Variants in KCNAB1 observed in about 807,000 individuals in gnomAD.
KCNAB1 encodes potassium voltage-gated channel subfamily A regulatory beta subunit 1, also known as voltage-gated potassium channel subunit beta-1.
In KCNAB1, 35 loss-of-function variants were observed where a neutral mutation model predicts 64.6. That is an observed-to-expected ratio of 0.54 (90% CI 0.41 to 0.72). The LOEUF is 0.72. KCNAB1 is among the 30% of genes least tolerant of loss of function. KCNAB1 has a pLI of 0.00. For missense variants in KCNAB1, 401 were observed against 512.9 expected (o/e 0.78, Z 2.11); for synonymous variants, 177 against 183.8 (o/e 0.96, Z 0.30).
intron 1 of KCNAB1, among the ~76,000 whole-genome samples, chr3:156,177,081 A>G (rs1712429493): frequency 6.6e-6 from 1 of 152,184 alleles, no homozygotes; most frequent in South Asian, 2.1e-4. Context: ...TTTTGAAGGC[A>G]ATATGATGAT....
chr3:156,191,042 C>T (rs996634982), intron 1 of KCNAB1, among the ~76,000 whole-genome samples: 4 of 152,222 alleles, frequency 2.6e-5, no homozygotes, highest in African/African-American at 9.6e-5. Context: ...ATGCCTCCTC[C>T]AAAATGCAGG....
intron 1 of KCNAB1, among the ~76,000 whole-genome samples, chr3:156,257,127 C>T (rs1404035257): frequency 6.6e-6 from 1 of 152,196 alleles, no homozygotes; most frequent in Non-Finnish European, 1.5e-5. Flanking sequence ...AAACTTTCCT[C>T]ATGACCCATG....
At chr3:156,440,696 A>G (rs556301753) in intron 2 of KCNAB1, among the ~76,000 whole-genome samples, 3 of 152,364 alleles carry the variant, frequency 2.0e-5, no homozygotes, top group East Asian at 3.9e-4. Context: ...TGGGTGATGC[A>G]AAAATATCCT....
intron 1 of KCNAB1, among the ~76,000 whole-genome samples, chr3:156,236,110 A>G (rs1716833969): frequency 6.6e-6 from 1 of 152,188 alleles, no homozygotes; most frequent in South Asian, 2.1e-4. Context: ...AATAATCACA[A>G]TAATAATTAT....
intron 1 of KCNAB1, among the ~76,000 whole-genome samples, chr3:156,197,106 A>G (rs566030859): frequency 2.6e-5 from 4 of 152,232 alleles, no homozygotes; most frequent in African/African-American, 9.6e-5. Context: ...GATTAAGTTT[A>G]TTGATTTGTG....
chr3:156,370,731 A>T (rs754109332), intron 1 of KCNAB1, among the ~76,000 whole-genome samples: 18 of 152,174 alleles, frequency 1.2e-4, no homozygotes, highest in Admixed American at 2.0e-4. Flanking sequence ...TGTTAAACTC[A>T]ATAGGGAAGG....
At chr3:156,258,976 G>T (rs13078030) in intron 1 of KCNAB1, among the ~76,000 whole-genome samples, 24,300 of 152,066 alleles carry the variant, frequency 0.16, 2,108 homozygotes, top group African/African-American at 0.19. Flanking sequence ...GGAACGATTC[G>T]GCTTCCAATT....
At chr3:156,534,559 C>CT (rs1718925078) in intron 13 of KCNAB1, among the ~76,000 whole-genome samples, 1 of 152,218 alleles carries the variant, frequency 6.6e-6, no homozygotes, top group Non-Finnish European at 1.5e-5. Context: ...TTCCTGGAAT[C>CT]TGAATCTTGA....
rs745783744 is a variant in KCNAB1, at chr3:156,474,043, G to A, written c.572-691G>A. On this transcript the variant is annotated intron_variant, in intron 7 of 13. Transcript: ENST00000490337. ...GGTTGGTTCCTGACTCCCTTTTTAAGTTCTTATTCTCTCCTTCATATTACG... is the reference window on the plus strand; with the variant it reads ...GGTTGGTTCCTGACTCCCTTTTTAAATTCTTATTCTCTCCTTCATATTACG... 1.1e-3 allele frequency among the ~76,000 whole-genome samples: 162 copies of A among 152,218 alleles called. 1 individual carries two copies. The highest frequency in any genetic ancestry group is 1.9e-3 in the Non-Finnish European group (130 of 68,006).
chr3:156,378,009 G>A (rs957590438), intron 1 of KCNAB1, among the ~76,000 whole-genome samples: 4 of 152,228 alleles, frequency 2.6e-5, no homozygotes, highest in East Asian at 3.9e-4. Flanking sequence ...GGAGGAGCCC[G>A]CCTGACTTTC....
chr3:156,239,498 A>T (rs1576635166), intron 1 of KCNAB1, among the ~76,000 whole-genome samples: 1 of 151,796 alleles, frequency 6.6e-6, no homozygotes, highest in Non-Finnish European at 1.5e-5. Context: ...TCTTCCCTTC[A>T]CCTAGGTCTC....
intron 1 of KCNAB1, among the ~76,000 whole-genome samples, chr3:156,166,034 GC>G (rs1215549833): frequency 1.3e-5 from 2 of 152,172 alleles, no homozygotes; most frequent in Non-Finnish European, 2.9e-5. Context: ...TCTGGCTGGA[GC>G]TTGGGCCCCT....
At chr3:156,527,190 A>G (rs1314367270) in intron 12 of KCNAB1, among the ~76,000 whole-genome samples, 2 of 152,254 alleles carry the variant, frequency 1.3e-5, no homozygotes, top group East Asian at 3.8e-4. Context: ...TAGCAACTCT[A>G]CAGCTTTAAC....
chr3:156,476,696 C>T (rs181529878), intron 8 of KCNAB1, among the ~76,000 whole-genome samples: 2 of 152,162 alleles, frequency 1.3e-5, no homozygotes, highest in Admixed American at 1.3e-4. Flanking sequence ...TGTAAACACG[C>T]GTGTTCTTTA....
intron 9 of KCNAB1, among the ~76,000 whole-genome samples, 160 bp downstream of exon 9, chr3:156,514,609 C>T (rs1006855940): frequency 6.6e-6 from 1 of 152,148 alleles, no homozygotes; most frequent in Non-Finnish European, 1.5e-5. Context: ...ATATTGGAGC[C>T]GGAGCTCATC....
chr3:156,355,117 A>G (rs542238287), intron 1 of KCNAB1, among the ~76,000 whole-genome samples: 34 of 152,344 alleles, frequency 2.2e-4, no homozygotes, highest in African/African-American at 7.9e-4. Flanking sequence ...GTTTCAGTCT[A>G]AAAGATTAAT....
intron 1 of KCNAB1, among the ~76,000 whole-genome samples, chr3:156,130,480 G>A (rs1161927850): frequency 6.6e-6 from 1 of 152,166 alleles, no homozygotes; most frequent in Admixed American, 6.5e-5. Flanking sequence ...CCTTCCCAAT[G>A]ATCCATGTGC....
chr3:156,424,905 A>G (rs1715711271), intron 2 of KCNAB1, among the ~76,000 whole-genome samples: 1 of 152,204 alleles, frequency 6.6e-6, no homozygotes, highest in Non-Finnish European at 1.5e-5. Flanking sequence ...ACACTGCATG[A>G]AAAATAAGAG....
intron 1 of KCNAB1, among the ~76,000 whole-genome samples, chr3:156,372,306 A>G (rs1331688211): frequency 6.6e-6 from 1 of 152,226 alleles, no homozygotes; most frequent in African/African-American, 2.4e-5. Context: ...AAGTTACTTA[A>G]TATCTCTATC....
Sources: allele counts gnomAD v4.1 joint callset (sites outside exome capture counted in the v4.1 genomes callset), GRCh38; gene constraint gnomAD v4.1.1; transcripts MANE v1.5; gene names NCBI Gene and HGNC (gene_info 2026-07-23, HGNC 2026-07-21).